The following SBF2 variants were observed in gnomAD, a reference collection of about 807,000 sequenced individuals.
The protein encoded by SBF2 is myotubularin-related protein 13.
SBF2 carries 112 observed loss-of-function variants against 225.2 expected under a neutral mutation model. The observed-to-expected ratio is 0.50, with a 90% CI of 0.43 to 0.58. SBF2 has a LOEUF of 0.58. SBF2 is among the 20% of genes least tolerant of loss of function. The probability of loss-of-function intolerance (pLI) is 0.00; values close to 1 mark genes in which losing one functional copy is unlikely to be tolerated. For missense variants in SBF2, 1,996 were observed against 2,206.2 expected, an observed-to-expected ratio of 0.90 and a Z score of 1.91; for synonymous variants, 763 against 773.3, an observed-to-expected ratio of 0.99 and a Z score of 0.22.
intron 6 of SBF2, among the ~76,000 whole-genome samples, chr11:10,011,978 T>C (rs1230150980): frequency 6.6e-6 from 1 of 152,246 alleles, no homozygotes; most frequent in Non-Finnish European, 1.5e-5. Flanking sequence ...GCTCTGTACC[T>C]AAAAGGTATT....
chr11:10,173,034 G>A lies in SBF2; in HGVS notation c.141+20868C>T, dbSNP rs552482928. On this transcript the variant is annotated intron_variant, in intron 2 of 39. Transcript: ENST00000256190. ...CAGCAGCATATTGTTTAATTTCCAT[G>A]TGTTTGTATAGTTTCCAAAATTCCT... 5.9e-5 allele frequency among the ~76,000 whole-genome samples: 9 copies of A among 152,274 alleles called. No homozygotes were observed. In the South Asian group the frequency reaches 1.5e-3, roughly 25 times the overall value.
chr11:9,943,884 T>C (rs1204115592), intron 16 of SBF2, among the ~76,000 whole-genome samples: 2 of 152,206 alleles, frequency 1.3e-5, no homozygotes, highest in Non-Finnish European at 2.9e-5. Context: ...TATGTATTTA[T>C]CCAAGAGAAG....
chr11:9,809,245 C>T, intron 30 of SBF2: 1 of 431,044 alleles, frequency 2.3e-6, no homozygotes, highest in Non-Finnish European at 4.3e-6. Flanking sequence ...CCGGGCAGGT[C>T]ATTTGAGGTT....
intron 32 of SBF2, among the ~76,000 whole-genome samples, chr11:9,800,550 G>T (rs1445747781): frequency 6.6e-6 from 1 of 151,792 alleles, no homozygotes; most frequent in Non-Finnish European, 1.5e-5. Flanking sequence ...GGGACTACAG[G>T]CGCCTGCCAC....
chr11:9,926,075 T>C (rs1457795105), intron 16 of SBF2, among the ~76,000 whole-genome samples: 1 of 152,238 alleles, frequency 6.6e-6, no homozygotes. Context: ...CCCTTTGATT[T>C]TGTTATGAAA....
intron 1 of SBF2, among the ~76,000 whole-genome samples, chr11:10,248,721 T>A (rs569057564): frequency 6.6e-6 from 1 of 152,342 alleles, no homozygotes; most frequent in East Asian, 1.9e-4. Flanking sequence ...CTAACTTTAG[T>A]TAAAGGATTG....
intron 1 of SBF2, among the ~76,000 whole-genome samples, chr11:10,221,851 T>A (rs188354495): frequency 6.6e-6 from 1 of 152,308 alleles, no homozygotes; most frequent in Non-Finnish European, 1.5e-5. Context: ...GTCAGCACCA[T>A]AGCAAGTACC....
intron 11 of SBF2, 34 bp from the exon 12 acceptor site, chr11:9,992,577 T>A (rs1312981869): frequency 6.2e-7 from 1 of 1,603,260 alleles, no homozygotes; most frequent in Admixed American, 1.7e-5. Context: ...TAATAATTTA[T>A]CACTTGGTAA....
At chr11:10,116,233 T>G (rs891996833) in intron 2 of SBF2, among the ~76,000 whole-genome samples, 2 of 152,196 alleles carry the variant, frequency 1.3e-5, no homozygotes, top group African/African-American at 4.8e-5. Context: ...GGTATTTGCA[T>G]TTGTATGTCA....
At chr11:10,224,680 CT>C (rs1958471055) in intron 1 of SBF2, among the ~76,000 whole-genome samples, 1 of 152,092 alleles carries the variant, frequency 6.6e-6, no homozygotes, top group South Asian at 2.1e-4. Flanking sequence ...TGGCTGGTTC[CT>C]TCGAATTCTT....
chr11:10,098,117 C>A (rs550264084), intron 2 of SBF2, among the ~76,000 whole-genome samples: 1 of 152,074 alleles, frequency 6.6e-6, no homozygotes, highest in Non-Finnish European at 1.5e-5. Context: ...ATACCATGCA[C>A]CCCTCTCTCC....
At chr11:9,922,003 TAGGAGGCCAAGGTGGG>T (rs1211722565) in intron 16 of SBF2, among the ~76,000 whole-genome samples, 1 of 152,150 alleles carries the variant, frequency 6.6e-6, no homozygotes, top group African/African-American at 2.4e-5. Context: ...CCTAGTACTT[TAGGAGGCCAAGGTGGG>T]AGGACTGCTT....
At chr11:9,804,390 T>A (rs1190822212) in intron 32 of SBF2, among the ~76,000 whole-genome samples, 1 of 152,220 alleles carries the variant, frequency 6.6e-6, no homozygotes, top group African/African-American at 2.4e-5. Context: ...GGAACTCTAG[T>A]TTACTGAGAT....
At chr11:9,974,656 A>C (rs72855698) in intron 13 of SBF2, among the ~76,000 whole-genome samples, 5,433 of 122,634 alleles carry the variant, frequency 0.044, 122 homozygotes, top group Middle Eastern at 0.13. Flanking sequence ...AACACCGCCC[A>C]AAAAAAAAAA....
Position 10,190,488 on chromosome 11 carries a change from C to T in SBF2, c.141+3414G>A, listed in dbSNP as rs186486208. Among the ~76,000 whole-genome samples, 580 of 152,106 alleles carry T rather than the reference C, an allele frequency of 3.8e-3. 4 individuals are homozygous for T. Among genetic ancestry groups the T allele is most frequent in the South Asian group, 5.4e-3 (26 of 4,820 alleles). On this transcript the variant is annotated intron_variant, in intron 2 of 39. Coordinates refer to ENST00000256190, the MANE Select transcript of SBF2 (RefSeq NM_030962.4). ...TAAAATCCATCCGAATTAAAGTTTA[C>T]CATTTTTCAATAGAAAAATAGAAGG...
At chr11:10,278,896 A>G in intron 1 of SBF2, among the ~76,000 whole-genome samples, 1 of 152,032 alleles carries the variant, frequency 6.6e-6, no homozygotes, top group East Asian at 1.9e-4. Context: ...ATTGGGCATA[A>G]CAACCTATAA....
chr11:10,090,041 G>A (rs777234235), intron 2 of SBF2, among the ~76,000 whole-genome samples: 34 of 152,158 alleles, frequency 2.2e-4, no homozygotes, highest in Non-Finnish European at 4.3e-4. Flanking sequence ...CAACCTGAAT[G>A]AGCTTGGAAG....
chr11:9,837,199 A>G (rs1346503081), intron 26 of SBF2, among the ~76,000 whole-genome samples: 2 of 152,146 alleles, frequency 1.3e-5, no homozygotes, highest in African/African-American at 4.8e-5. Flanking sequence ...ATTTATTTCT[A>G]AGATAAGTAA....
Position 9,785,127 on chromosome 11 carries a change from G to A in SBF2, c.5229C>T (p.Asn1743=). 1 of 1,612,518 alleles carries A rather than the reference G, an allele frequency of 6.2e-7. No homozygotes were observed. Among genetic ancestry groups the A allele is most frequent in the East Asian group, 2.2e-5 (1 of 44,894 alleles). The change falls in exon 37 of 40, where the codon AAC becomes AAT. Residue 1743 remains asparagine (N), a splice_region_variant and synonymous_variant. Coordinates refer to ENST00000256190, the MANE Select transcript of SBF2 (RefSeq NM_030962.4). Reference sequence around the variant, plus strand: ...GCGAGCAGGGTTCAGCATGTCACCTGTTTTCATCATTCTTGGATGTATACT... The same window carrying A: ...GCGAGCAGGGTTCAGCATGTCACCTATTTTCATCATTCTTGGATGTATACT... ...YSQYTSKNDE[N]RSFEGTLYKR...
Sources: allele counts gnomAD v4.1 joint callset (sites outside exome capture counted in the v4.1 genomes callset), GRCh38; gene constraint gnomAD v4.1.1; transcripts MANE v1.5; gene names NCBI Gene and HGNC (gene_info 2026-07-23, HGNC 2026-07-21).